Variants in CPQ observed in about 807,000 individuals in gnomAD.
CPQ encodes the protein carboxypeptidase Q.
In CPQ, 37 loss-of-function variants were observed where a neutral mutation model predicts 45.7. The observed-to-expected ratio is 0.81, with a 90% CI of 0.62 to 1.07. The LOEUF (loss-of-function observed/expected upper bound fraction) is 1.07, where lower values mean the gene tolerates loss of function less well. Ranked by LOEUF, CPQ falls within the 50% of genes least tolerant of loss-of-function variation. CPQ has a pLI of 0.00. For synonymous variants in CPQ, 186 were observed against 205.8 expected (o/e 0.90, Z 0.82); for missense variants, 537 against 572.9 (o/e 0.94, Z 0.64).
At chr8:96,913,281 A>G (rs1212364960) in intron 4 of CPQ, among the ~76,000 whole-genome samples, 1 of 152,188 alleles carries the variant, frequency 6.6e-6, no homozygotes, top group East Asian at 1.9e-4. Context: ...TGGTTACAAC[A>G]CATATGGTCC....
chr8:96,991,512 C>A (rs1036856301), intron 5 of CPQ, among the ~76,000 whole-genome samples: 2 of 151,288 alleles, frequency 1.3e-5, no homozygotes, highest in Non-Finnish European at 2.9e-5. Flanking sequence ...GCCAAAATTG[C>A]ACCACTGCAC....
intron 5 of CPQ, among the ~76,000 whole-genome samples, chr8:97,020,243 G>A (rs944369403): frequency 5.3e-5 from 8 of 152,052 alleles, no homozygotes; most frequent in Non-Finnish European, 8.8e-5. Flanking sequence ...TAAGAGGAAA[G>A]TTCATAGCAT....
At chr8:97,052,333 C>G (rs1484401759) in intron 6 of CPQ, among the ~76,000 whole-genome samples, 5 of 151,984 alleles carry the variant, frequency 3.3e-5, no homozygotes, top group African/African-American at 9.7e-5. Flanking sequence ...GCTAAATTGC[C>G]TCATCTGTTT....
At chr8:96,949,969 T>C (rs1437181246) in intron 4 of CPQ, among the ~76,000 whole-genome samples, 2 of 152,150 alleles carry the variant, frequency 1.3e-5, no homozygotes, top group Non-Finnish European at 2.9e-5. Flanking sequence ...TCTTTAATTA[T>C]CACGTTTGGA....
chr8:96,759,297 AAGAAG>A (rs1810368168), intron 1 of CPQ, among the ~76,000 whole-genome samples: 1 of 152,142 alleles, frequency 6.6e-6, no homozygotes, highest in African/African-American at 2.4e-5. Flanking sequence ...ACCTCCAGTA[AAGAAG>A]AGATTTTGGT....
chr8:96,842,254 T>A (rs1227423087), intron 3 of CPQ, among the ~76,000 whole-genome samples: 2 of 152,196 alleles, frequency 1.3e-5, no homozygotes, highest in African/African-American at 4.8e-5. Flanking sequence ...AGATTTTTGA[T>A]GTCCTGGTGG....
At chr8:96,980,465 T>C (rs370284894) in intron 5 of CPQ, among the ~76,000 whole-genome samples, 1 of 152,228 alleles carries the variant, frequency 6.6e-6, no homozygotes, top group East Asian at 1.9e-4. Context: ...CTCAGTTTTC[T>C]CTTTTTACAA....
chr8:96,878,911 G>A (rs1240954243), intron 3 of CPQ, among the ~76,000 whole-genome samples: 1 of 152,204 alleles, frequency 6.6e-6, no homozygotes, highest in Non-Finnish European at 1.5e-5. Flanking sequence ...AATAGACTGT[G>A]GCACGCACTT....
At chr8:96,940,771 A>G (rs967889815) in intron 4 of CPQ, among the ~76,000 whole-genome samples, 5 of 152,178 alleles carry the variant, frequency 3.3e-5, no homozygotes, top group Admixed American at 6.5e-5. Flanking sequence ...TTGAATTTCT[A>G]TCAACTAGCC....
chr8:96,921,086 G>C (rs921412305), intron 4 of CPQ, among the ~76,000 whole-genome samples: 1 of 152,224 alleles, frequency 6.6e-6, no homozygotes, highest in Non-Finnish European at 1.5e-5. Flanking sequence ...ATTAACTCCC[G>C]TTTTACAGAT....
intron 7 of CPQ, among the ~76,000 whole-genome samples, chr8:97,122,964 A>AAT (rs1811747081): frequency 2.3e-5 from 2 of 85,402 alleles, no homozygotes; most frequent in African/African-American, 6.4e-5. Flanking sequence ...AATAAAATAA[A>AAT]ATAAAATAAA....
At chr8:96,944,894 G>A (rs191808131) in intron 4 of CPQ, among the ~76,000 whole-genome samples, 1 of 151,874 alleles carries the variant, frequency 6.6e-6, no homozygotes, top group African/African-American at 2.4e-5. Flanking sequence ...TTTTTTTATG[G>A]ATTGTACTTC....
At chr8:96,956,088 A>G (rs961722947) in intron 4 of CPQ, among the ~76,000 whole-genome samples, 5 of 152,210 alleles carry the variant, frequency 3.3e-5, no homozygotes, top group Non-Finnish European at 1.5e-5. Context: ...TGAACAGGCA[A>G]CCTACAGAAT....
At chr8:97,056,992 A>G (rs1196642115) in intron 6 of CPQ, among the ~76,000 whole-genome samples, 1 of 151,546 alleles carries the variant, frequency 6.6e-6, no homozygotes, top group Non-Finnish European at 1.5e-5. Flanking sequence ...CTGCTGGTAA[A>G]CTCTCCCCTC....
intron 1 of CPQ, among the ~76,000 whole-genome samples, chr8:96,725,632 G>A (rs1809826874): frequency 6.6e-6 from 1 of 152,202 alleles, no homozygotes; most frequent in African/African-American, 2.4e-5. Flanking sequence ...TATGCTGGTG[G>A]TGGAAATGTA....
At chr8:96,647,597 A>G (rs1240834462) in intron 1 of CPQ, among the ~76,000 whole-genome samples, 2 of 152,218 alleles carry the variant, frequency 1.3e-5, no homozygotes, top group African/African-American at 4.8e-5. Context: ...CTGCCAGGAA[A>G]AACTGTGTGA....
intron 3 of CPQ, among the ~76,000 whole-genome samples, chr8:96,878,908 T>C (rs1217815304): frequency 6.6e-6 from 1 of 152,250 alleles, no homozygotes; most frequent in East Asian, 1.9e-4. Flanking sequence ...AGGAATAGAC[T>C]GTGGCACGCA....
At chr8:96,681,339 C>T (rs759924652) in intron 1 of CPQ, among the ~76,000 whole-genome samples, 4 of 152,180 alleles carry the variant, frequency 2.6e-5, no homozygotes, top group Non-Finnish European at 5.9e-5. Context: ...TGGTACCCTG[C>T]ATTTCAGCAG....
chr8:96,713,537 A>C (rs1396354609), intron 1 of CPQ, among the ~76,000 whole-genome samples: 2 of 152,206 alleles, frequency 1.3e-5, no homozygotes, highest in Non-Finnish European at 2.9e-5. Context: ...AGAAGTGCAG[A>C]GTGAAGTGGG....
Sources: gnomAD v4.1 joint callset for allele counts (sites outside exome capture counted in the v4.1 genomes callset) on GRCh38, gnomAD v4.1.1 for gene constraint, MANE v1.5 for transcripts, NCBI Gene and HGNC (gene_info 2026-07-23, HGNC 2026-07-21) for gene names.